The following FSTL4 variants were observed in gnomAD, a reference collection of about 807,000 sequenced individuals.
FSTL4 encodes follistatin like 4.
In FSTL4, 28 loss-of-function variants were observed where a neutral mutation model predicts 78.2. That is an observed-to-expected ratio of 0.36 (90% CI 0.27 to 0.49). FSTL4 has a LOEUF of 0.49. Ranked by LOEUF, FSTL4 falls within the 20% of genes least tolerant of loss-of-function variation. The pLI is 0.98. For synonymous variants in FSTL4, 422 were observed against 440.5 expected (o/e 0.96, Z 0.53); for missense variants, 922 against 1,084.9 (o/e 0.85, Z 2.11).
At chr5:133,245,973 C>G (rs917777071) in intron 7 of FSTL4, among the ~76,000 whole-genome samples, 6 of 152,174 alleles carry the variant, frequency 3.9e-5, no homozygotes, top group African/African-American at 1.4e-4. Context: ...ACAGATAAGA[C>G]AAATTAATAT....
intron 3 of FSTL4, among the ~76,000 whole-genome samples, chr5:133,408,493 G>A (rs975102728): frequency 6.6e-6 from 1 of 151,966 alleles, no homozygotes; most frequent in African/African-American, 2.4e-5. Flanking sequence ...AGAGGGAGAA[G>A]GGGCTGGAGC....
rs568480859 is a variant in FSTL4, at chr5:133,233,702, C to T, written c.895-165G>A. On this transcript the variant is annotated intron_variant, in intron 7 of 15. Coordinates refer to ENST00000265342, the MANE Select transcript of FSTL4 (RefSeq NM_015082.2). ...TGCAGGGGTGAGCCGTCCTGGGCAG[C>T]AGCAACCCCATCTTGCCTCCACATT... Among the ~76,000 whole-genome samples, 9 of 152,326 alleles carry T rather than the reference C, an allele frequency of 5.9e-5. No homozygotes were observed. In the South Asian group the frequency reaches 1.9e-3, roughly 32 times the overall value.
At chr5:133,671,703 G>C in the FSTL4 span, among the ~76,000 whole-genome samples, 776 of 152,220 alleles carry the variant, frequency 5.1e-3, 5 homozygotes, top group African/African-American at 0.017. Context: ...TGTCCTGATT[G>C]GCTAGCAACT....
the FSTL4 span, among the ~76,000 whole-genome samples, chr5:133,767,497 T>A: frequency 1.3e-5 from 2 of 152,182 alleles, no homozygotes; most frequent in African/African-American, 4.8e-5. Flanking sequence ...GAGCCTTGAA[T>A]GCATCTATGC....
At chr5:133,451,683 G>C (rs775206091) in intron 3 of FSTL4, among the ~76,000 whole-genome samples, 1 of 152,180 alleles carries the variant, frequency 6.6e-6, no homozygotes, top group African/African-American at 2.4e-5. Context: ...GCCAGGGTCC[G>C]TGGAACACTT....
intron 3 of FSTL4, among the ~76,000 whole-genome samples, chr5:133,484,957 G>A (rs1312435056): frequency 6.6e-6 from 1 of 152,206 alleles, no homozygotes; most frequent in Admixed American, 6.5e-5. Flanking sequence ...AAGGTGCCAT[G>A]CAGTTCAGAA....
At chr5:133,293,550 G>A (rs895269453) in intron 6 of FSTL4, among the ~76,000 whole-genome samples, 2 of 152,156 alleles carry the variant, frequency 1.3e-5, no homozygotes, top group African/African-American at 4.8e-5. Context: ...TGTAGTTGAG[G>A]CATCCATATG....
Position 133,585,113 on chromosome 5 carries a change from A to C in FSTL4, c.127-17894T>G, listed in dbSNP as rs1490446103. ...TTTTGTCACCACCAGGCCTGCCCTAAAAGAGCTCCTGAAGGAAGCGCTAAA... is the reference window on the plus strand; with the variant it reads ...TTTTGTCACCACCAGGCCTGCCCTACAAGAGCTCCTGAAGGAAGCGCTAAA... On this transcript the variant is annotated intron_variant, in intron 2 of 15. Transcript: ENST00000265342. 2.4e-5 allele frequency among the ~76,000 whole-genome samples: 2 copies of C among 81,750 alleles called. 1 individual carries two copies. The highest frequency in any genetic ancestry group is 8.9e-5 in the African/African-American group (2 of 22,532). 53.6% of individuals were successfully genotyped at this position (81,750 alleles called of 152,430 possible). A position where few individuals can be genotyped will look rare whatever the true frequency, so the allele number is the denominator to read the frequency against.
At chr5:133,475,524 G>T (rs1249230922) in intron 3 of FSTL4, among the ~76,000 whole-genome samples, 1 of 152,094 alleles carries the variant, frequency 6.6e-6, no homozygotes, top group East Asian at 1.9e-4. Context: ...ATACATGAAG[G>T]TCTTTTGAAT....
intron 3 of FSTL4, among the ~76,000 whole-genome samples, chr5:133,511,862 G>C (rs1758741677): frequency 6.6e-6 from 1 of 152,240 alleles, no homozygotes; most frequent in Admixed American, 6.5e-5. Context: ...CAGGCAGAAG[G>C]GGGCCAGAAG....
chr5:133,795,979 C>T, the FSTL4 span, among the ~76,000 whole-genome samples: 8 of 152,240 alleles, frequency 5.3e-5, no homozygotes, highest in South Asian at 2.1e-4. Flanking sequence ...CAGTGTCCAA[C>T]GTCCCTGCCC....
At chr5:133,786,734 G>T in the FSTL4 span, among the ~76,000 whole-genome samples, 1 of 152,220 alleles carries the variant, frequency 6.6e-6, no homozygotes, top group Non-Finnish European at 1.5e-5. Context: ...CAGAGAGCCT[G>T]TGTGGCCCAT....
At chr5:133,508,549 C>T (rs1220868271) in intron 3 of FSTL4, among the ~76,000 whole-genome samples, 2 of 152,178 alleles carry the variant, frequency 1.3e-5, no homozygotes, top group Non-Finnish European at 2.9e-5. Context: ...TCAGTGTAAT[C>T]GTACAGGACT....
chr5:133,724,447 C>T, the FSTL4 span, among the ~76,000 whole-genome samples: 1,301 of 113,822 alleles, frequency 0.011, 29 homozygotes, highest in African/African-American at 0.042. Context: ...TCCTTCAGTC[C>T]TTTTGGTTGA....
intron 4 of FSTL4, among the ~76,000 whole-genome samples, chr5:133,389,681 C>T (rs908305685): frequency 2.7e-4 from 41 of 152,194 alleles, no homozygotes; most frequent in African/African-American, 9.4e-4. Context: ...TCTCTAATCT[C>T]GGGTTCCCCA....
the FSTL4 span, among the ~76,000 whole-genome samples, chr5:133,625,734 T>TATATTCC: frequency 2.5e-5 from 2 of 80,428 alleles, no homozygotes; most frequent in African/African-American, 1.3e-4. Context: ...CATATATATA[T>TATATTCC]ATATATATAT....
chr5:133,324,716 C>T (rs1044493624), intron 4 of FSTL4, among the ~76,000 whole-genome samples: 27 of 152,236 alleles, frequency 1.8e-4, no homozygotes, highest in African/African-American at 5.5e-4. Flanking sequence ...ACCGGTATGA[C>T]TGTGGAAGAC....
intron 4 of FSTL4, among the ~76,000 whole-genome samples, chr5:133,380,836 A>C (rs906652137): frequency 1.3e-5 from 2 of 150,452 alleles, no homozygotes; most frequent in African/African-American, 4.9e-5. Context: ...ATAACTTATA[A>C]AATAAATTTA....
chr5:133,536,306 A>C (rs1327992866), intron 3 of FSTL4, among the ~76,000 whole-genome samples: 2 of 152,204 alleles, frequency 1.3e-5, no homozygotes, highest in Non-Finnish European at 2.9e-5. Flanking sequence ...ATTTATTCAG[A>C]TTAGAAACTG....
Sources: allele counts gnomAD v4.1 joint callset (sites outside exome capture counted in the v4.1 genomes callset), GRCh38; gene constraint gnomAD v4.1.1; transcripts MANE v1.5; gene names NCBI Gene and HGNC (gene_info 2026-07-23, HGNC 2026-07-21).